TSHZ2: variants seen among roughly 807,000 people sequenced by gnomAD.
TSHZ2 encodes teashirt zinc finger homeobox 2, also known as teashirt homolog 2.
A neutral mutation model predicts 74.4 loss-of-function variants in TSHZ2; 21 were observed. That is an observed-to-expected ratio of 0.28 (90% CI 0.20 to 0.41). TSHZ2 has a LOEUF of 0.41. Ranked by LOEUF, TSHZ2 falls within the 10% of genes least tolerant of loss-of-function variation. TSHZ2 has a pLI of 1.00. For synonymous variants in TSHZ2, 540 were observed against 515.3 expected, an observed-to-expected ratio of 1.05 and a Z score of -0.65; for missense variants, 1,244 against 1,293.5, an observed-to-expected ratio of 0.96 and a Z score of 0.59.
intron 1 of TSHZ2, among the ~76,000 whole-genome samples, chr20:53,028,726 C>G (rs2123055577): frequency 6.6e-6 from 1 of 152,256 alleles, no homozygotes; most frequent in South Asian, 2.1e-4. Flanking sequence ...CTTTTTCACA[C>G]TTTACATGTT....
rs1197231169 is a variant in TSHZ2, at chr20:53,492,099, C to A, written c.*4964C>A. The A allele has an allele frequency of 6.7e-6, 1 of 149,172 alleles. No individual in the cohort carries two copies. The highest frequency in any genetic ancestry group is 1.5e-5 in the Non-Finnish European group (1 of 67,474). 9.2% of individuals were successfully genotyped at this position (149,172 alleles called of 1,614,324 possible). A position where few individuals can be genotyped will look rare whatever the true frequency, so the allele number is the denominator to read the frequency against. ...AAAAAAAAAAACTAACCACTCCATT[C>A]AACTCTCTCAGAAAATAAATTTCAA... is the stretch of plus-strand genomic sequence containing the variant. On this transcript the variant is annotated 3_prime_UTR_variant, in exon 3 of 3. Coordinates refer to ENST00000371497, the MANE Select transcript of TSHZ2 (RefSeq NM_173485.6).
At chr20:53,450,906 TA>T (rs1190425918) in intron 2 of TSHZ2, among the ~76,000 whole-genome samples, 1 of 116,860 alleles carries the variant, frequency 8.6e-6, no homozygotes, top group Non-Finnish European at 1.6e-5. Context: ...AGGATTTATT[TA>T]GTTTCCTCTT....
At chr20:53,330,194 T>TA (rs1332762567) in intron 2 of TSHZ2, among the ~76,000 whole-genome samples, 1 of 151,466 alleles carries the variant, frequency 6.6e-6, no homozygotes, top group Non-Finnish European at 1.5e-5. Flanking sequence ...ACTTTTTTTT[T>TA]AACCTTTTGG....
intron 1 of TSHZ2, among the ~76,000 whole-genome samples, chr20:52,993,095 C>T (rs935830320): frequency 1.3e-5 from 2 of 152,134 alleles, no homozygotes; most frequent in Non-Finnish European, 1.5e-5. Context: ...AATAGAAGGA[C>T]TTTGAAATTT....
In TSHZ2 at chr20:53,487,135, C is replaced by A. The variant is rs560643417; in HGVS notation, c.*9-9C>A. On this transcript the variant is annotated splice_polypyrimidine_tract_variant and intron_variant, in intron 2 of 2. Coordinates refer to ENST00000371497, the MANE Select transcript of TSHZ2 (RefSeq NM_173485.6). ...ATGCATCTTTCTGTTGTTCTGATTC[C>A]CATTACAGGACGAATGCCTTAGTTT... is the stretch of plus-strand genomic sequence containing the variant. The A allele has an allele frequency of 6.5e-6, 1 of 153,106 alleles. No homozygotes were observed. The highest frequency in any genetic ancestry group is 1.9e-4 in the East Asian group (1 of 5,184). 9.5% of individuals were successfully genotyped at this position (153,106 alleles called of 1,614,324 possible).
rs1348092311 is a variant in TSHZ2, at chr20:53,469,760, G to GAGAC, written c.*9-17381_*9-17380insCAGA. ...AGGAAGGAAGGACCCAAGAAAGATA[G>GAGAC]AGAGGGAGGAAGGGAGGGAGGGAGG... On this transcript the variant is annotated intron_variant, in intron 2 of 2. Coordinates refer to ENST00000371497, the MANE Select transcript of TSHZ2 (RefSeq NM_173485.6). 2.8e-4 allele frequency among the ~76,000 whole-genome samples: 15 copies of GAGAC among 53,874 alleles called. 1 individual carries two copies. The highest frequency in any genetic ancestry group is 8.2e-4 in the Admixed American group (4 of 4,902). The allele number at this position is 53,874 out of a possible 152,430, so 35.3% of individuals were successfully genotyped here.
intron 2 of TSHZ2, among the ~76,000 whole-genome samples, chr20:53,401,459 T>C (rs1350746300): frequency 6.6e-6 from 1 of 152,322 alleles, no homozygotes; most frequent in Middle Eastern, 3.4e-3. Context: ...GTAAGTTCTT[T>C]AGTGGTGATT....
intron 1 of TSHZ2, among the ~76,000 whole-genome samples, chr20:53,209,100 AT>A (rs974402432): frequency 1.3e-4 from 20 of 149,728 alleles, no homozygotes; most frequent in Middle Eastern, 3.4e-3. Flanking sequence ...AAATATGCAC[AT>A]TTTTTTTTTC....
At chr20:53,335,715 T>A (rs1979919147) in intron 2 of TSHZ2, among the ~76,000 whole-genome samples, 1 of 152,220 alleles carries the variant, frequency 6.6e-6, no homozygotes, top group African/African-American at 2.4e-5. Context: ...GCTCATGGTT[T>A]CCTTTTTCCA....
At chr20:53,188,308 G>A (rs948596678) in intron 1 of TSHZ2, among the ~76,000 whole-genome samples, 2 of 152,130 alleles carry the variant, frequency 1.3e-5, no homozygotes, top group Admixed American at 6.5e-5. Flanking sequence ...TTGGAGAAGC[G>A]CCTGACATGA....
chr20:53,461,405 C>A (rs988028557), intron 2 of TSHZ2: 1 of 154,328 alleles, frequency 6.5e-6, no homozygotes, highest in African/African-American at 2.4e-5. Context: ...GGCTGGCGCA[C>A]GGTGTGCGCA....
intron 1 of TSHZ2, 53 bp downstream of exon 1, chr20:52,973,386 C>G: frequency 2.6e-6 from 4 of 1,546,756 alleles, no homozygotes; most frequent in Non-Finnish European, 3.5e-6. Context: ...GCTCCTCGCC[C>G]GCCCTCCTTG....
chr20:53,231,357 C>T (rs1989820831), intron 1 of TSHZ2, among the ~76,000 whole-genome samples: 1 of 152,224 alleles, frequency 6.6e-6, no homozygotes, highest in Non-Finnish European at 1.5e-5. Flanking sequence ...TGTAAAGTGA[C>T]TTGACTTCAA....
chr20:53,092,124 G>T (rs1985902292), intron 1 of TSHZ2, among the ~76,000 whole-genome samples: 1 of 151,976 alleles, frequency 6.6e-6, no homozygotes, highest in Non-Finnish European at 1.5e-5. Flanking sequence ...CACAGCATGT[G>T]ACAGCAAGCA....
At chr20:53,374,108 G>T (rs148685944) in intron 2 of TSHZ2, among the ~76,000 whole-genome samples, 2 of 152,188 alleles carry the variant, frequency 1.3e-5, no homozygotes, top group African/African-American at 2.4e-5. Flanking sequence ...AATAAACGTC[G>T]TATCCAATAG....
chr20:53,372,513 AAGGAAGGAAGGGAGGGAGGAAGGG>A (rs1452577893), intron 2 of TSHZ2, among the ~76,000 whole-genome samples: 3 of 151,730 alleles, frequency 2.0e-5, no homozygotes, highest in Non-Finnish European at 2.9e-5. Flanking sequence ...GGAAGGAAAG[AAGGAAGGAAGGGAGGGAGGAAGGG>A]AAGGAAGGAC....
intron 2 of TSHZ2, among the ~76,000 whole-genome samples, chr20:53,410,623 T>TATTATTATA (rs1173823295): frequency 4.5e-4 from 67 of 148,504 alleles, no homozygotes; most frequent in Admixed American, 8.8e-4. Flanking sequence ...TTATTATTAT[T>TATTATTATA]ATTAGCTGTG....
chr20:53,083,548 A>C (rs553155722), intron 1 of TSHZ2, among the ~76,000 whole-genome samples: 1 of 152,362 alleles, frequency 6.6e-6, no homozygotes, highest in Admixed American at 6.5e-5. Flanking sequence ...TTACCTGATA[A>C]AAAGAACAAA....
chr20:52,994,853 T>C (rs1043571066), intron 1 of TSHZ2, among the ~76,000 whole-genome samples: 1 of 152,200 alleles, frequency 6.6e-6, no homozygotes, highest in African/African-American at 2.4e-5. Flanking sequence ...TGCATTAACA[T>C]TTCCGAGAGT....
Sources: allele counts gnomAD v4.1 joint callset (sites outside exome capture counted in the v4.1 genomes callset), GRCh38; gene constraint gnomAD v4.1.1; transcripts MANE v1.5; gene names NCBI Gene and HGNC (gene_info 2026-07-23, HGNC 2026-07-21).